Variants in HERC4 observed in about 807,000 individuals in gnomAD.
The protein encoded by HERC4 is probable E3 ubiquitin-protein ligase HERC4.
In HERC4, 28 loss-of-function variants were observed where a neutral mutation model predicts 124.3. That is an observed-to-expected ratio of 0.23 (90% CI 0.17 to 0.31). HERC4 has a LOEUF of 0.31. HERC4 is among the 10% of genes least tolerant of loss of function. The pLI is 1.00. For synonymous variants in HERC4, 407 were observed against 421.5 expected, an observed-to-expected ratio of 0.97 and a Z score of 0.42; for missense variants, 713 against 1,229.3, an observed-to-expected ratio of 0.58 and a Z score of 6.28.
intron 10 of HERC4, 45 bp from the exon 11 acceptor site, chr10:67,992,368 A>G (rs752458270): frequency 6.3e-6 from 10 of 1,588,292 alleles, no homozygotes; most frequent in Admixed American, 5.4e-5. Flanking sequence ...GATATTATAT[A>G]TAACTCAAAA....
chr10:67,975,823 T>C (rs2035553214), intron 15 of HERC4, among the ~76,000 whole-genome samples: 1 of 152,220 alleles, frequency 6.6e-6, no homozygotes, highest in Non-Finnish European at 1.5e-5. Context: ...AGTTCTTTTT[T>C]TCTCCCACTG....
intron 9 of HERC4, among the ~76,000 whole-genome samples, chr10:68,006,890 G>A (rs1226663433): frequency 6.6e-6 from 1 of 152,070 alleles, no homozygotes. Flanking sequence ...TTCTCTTGCT[G>A]CTTTTGAGAT....
intron 3 of HERC4, among the ~76,000 whole-genome samples, chr10:68,059,718 T>TA (rs1491163059): frequency 1.8e-5 from 1 of 55,326 alleles, no homozygotes; most frequent in Non-Finnish European, 2.4e-5. Flanking sequence ...TATCATAATA[T>TA]TATATATTAT....
At chr10:67,968,370 G>A (rs1303633702) in intron 15 of HERC4, among the ~76,000 whole-genome samples, 1 of 151,512 alleles carries the variant, frequency 6.6e-6, no homozygotes, top group African/African-American at 2.4e-5. Flanking sequence ...CAGCTGAGAG[G>A]CTACTCCTTT....
At chr10:68,008,315 T>C (rs1472414974) in intron 9 of HERC4, among the ~76,000 whole-genome samples, 1 of 152,246 alleles carries the variant, frequency 6.6e-6, no homozygotes, top group Non-Finnish European at 1.5e-5. Context: ...TTGATGTTTA[T>C]TCAAAGCCCA....
At chr10:67,965,619 T>C (rs563497957) in intron 16 of HERC4, 6 of 152,242 alleles carry the variant, frequency 3.9e-5, no homozygotes, top group African/African-American at 1.4e-4. Flanking sequence ...ACTAACCAGA[T>C]TGCCATTCAA....
intron 23 of HERC4, among the ~76,000 whole-genome samples, chr10:67,930,076 G>C (rs922532412): frequency 4.6e-5 from 7 of 152,248 alleles, no homozygotes; most frequent in Admixed American, 2.0e-4. Context: ...AAAGTGCTGG[G>C]ATTACAGGCG....
At chr10:68,034,237 T>A (rs746523956) in intron 5 of HERC4, 51 bp from the exon 6 acceptor site, 2 of 1,343,786 alleles carry the variant, frequency 1.5e-6, no homozygotes, top group Non-Finnish European at 2.1e-6. Context: ...TGCAAAAAAT[T>A]TAATTTGAAA....
chr10:68,032,275 G>A (rs1039632108), intron 7 of HERC4, among the ~76,000 whole-genome samples: 1 of 152,182 alleles, frequency 6.6e-6, no homozygotes, highest in Admixed American at 6.5e-5. Flanking sequence ...GACAGTGAGA[G>A]GTCAGAGTTA....
intron 4 of HERC4, among the ~76,000 whole-genome samples, chr10:68,043,797 C>A (rs1490939050): frequency 6.6e-6 from 1 of 152,180 alleles, no homozygotes; most frequent in Non-Finnish European, 1.5e-5. Context: ...ACCCAGGCAA[C>A]AGTGCGAGAC....
At chr10:68,032,421 A>G (rs1589376797) in intron 7 of HERC4, among the ~76,000 whole-genome samples, 1 of 152,220 alleles carries the variant, frequency 6.6e-6, no homozygotes, top group East Asian at 1.9e-4. Context: ...AATTAGGCTG[A>G]GCTACACGAT....
intron 19 of HERC4, among the ~76,000 whole-genome samples, chr10:67,946,846 G>A (rs1251646530): frequency 1.3e-5 from 2 of 152,252 alleles, no homozygotes; most frequent in Middle Eastern, 3.4e-3. Flanking sequence ...GGTAGATGTT[G>A]CATTGAGTCA....
chr10:68,047,912 A>G (rs896859662), intron 3 of HERC4, among the ~76,000 whole-genome samples: 8 of 151,654 alleles, frequency 5.3e-5, no homozygotes, highest in Admixed American at 5.3e-4. Context: ...ACACCTGCAC[A>G]TGAATGTTTT....
intron 21 of HERC4, among the ~76,000 whole-genome samples, chr10:67,938,502 C>G (rs867387536): frequency 6.6e-6 from 1 of 151,554 alleles, no homozygotes; most frequent in Non-Finnish European, 1.5e-5. Flanking sequence ...ACAATTTCTC[C>G]AAGAGTCTAA....
intron 23 of HERC4, among the ~76,000 whole-genome samples, chr10:67,925,502 A>T (rs974228453): frequency 1.3e-5 from 2 of 152,202 alleles, no homozygotes; most frequent in African/African-American, 4.8e-5. Flanking sequence ...ATCTGTGATA[A>T]TCAGAAAATT....
chr10:68,052,308 C>T (rs1446649691), intron 3 of HERC4, among the ~76,000 whole-genome samples: 1 of 152,154 alleles, frequency 6.6e-6, no homozygotes, highest in Non-Finnish European at 1.5e-5. Context: ...TTTGAAAACA[C>T]TAATGGCGCA....
intron 15 of HERC4, among the ~76,000 whole-genome samples, chr10:67,967,133 C>T (rs184596905): frequency 9.0e-4 from 137 of 152,310 alleles, no homozygotes; most frequent in African/African-American, 3.2e-3. Flanking sequence ...GGATTACAGG[C>T]GTGAGCCACC....
intron 16 of HERC4, chr10:67,959,082 C>G (rs1442690176): frequency 6.9e-6 from 11 of 1,583,254 alleles, no homozygotes; most frequent in Non-Finnish European, 8.6e-6. Flanking sequence ...ATATTTTACT[C>G]TAAACATGAG....
At chr10:68,023,545 A>C (rs1041327961) in intron 8 of HERC4, among the ~76,000 whole-genome samples, 27 of 152,266 alleles carry the variant, frequency 1.8e-4, no homozygotes, top group African/African-American at 6.3e-4. Flanking sequence ...TTGCCACAAG[A>C]GAGTATGGAG....
Sources: allele counts gnomAD v4.1 joint callset (sites outside exome capture counted in the v4.1 genomes callset), GRCh38; gene constraint gnomAD v4.1.1; transcripts MANE v1.5; gene names NCBI Gene and HGNC (gene_info 2026-07-23, HGNC 2026-07-21).